DST: variants seen among roughly 807,000 people sequenced by gnomAD.
The protein encoded by DST is bullous pemphigoid antigen.
DST carries 253 observed loss-of-function variants against 875.2 expected under a neutral mutation model. The observed-to-expected ratio is 0.29, with a 90% confidence interval of 0.26 to 0.32. DST has a LOEUF of 0.32. Ranked by LOEUF, DST falls within the 10% of genes least tolerant of loss-of-function variation. DST has a pLI of 1.00. For synonymous variants in DST, 3,124 were observed against 3,197.1 expected (o/e 0.98, Z 0.77); for missense variants, 8,287 against 9,111.6 (o/e 0.91, Z 3.68).
rs1178628921 is a variant in DST, at chr6:56,608,757, A to T, written c.5871T>A (p.Gly1957=). ...WLLPVRPQEG[G]RITLKCGRNI... ...TTCTTCCACATTTTAATGTTATTCT[A>T]CCTCCTTCTTGTGGTCTCACAGGTA... The change falls in exon 40 of 104, where the codon GGT becomes GGA. Residue 1957 remains glycine (G), a synonymous_variant. Transcript: ENST00000680361. 1.2e-5 allele frequency: 19 copies of T among 1,608,336 alleles called. No homozygotes were observed. The highest frequency in any genetic ancestry group is 1.6e-5 in the Non-Finnish European group (19 of 1,177,132).
In DST at chr6:56,618,945, G is replaced by A. The variant is rs762686142; in HGVS notation, c.4930-4461C>T. On this transcript the variant is annotated intron_variant, in intron 36 of 103. Transcript: ENST00000680361. ...TGTAGCTGAACTTTCTGCTCCCCGC[G>A]TCGCTTCTCTTCTTTGGAAGCATTC... 1.7e-5 allele frequency: 28 copies of A among 1,613,962 alleles called. No individual in the cohort carries two copies. The highest frequency in any genetic ancestry group is 2.2e-5 in the East Asian group (1 of 44,894).
intron 3 of DST, among the ~76,000 whole-genome samples, chr6:56,881,452 G>A (rs1396664905): frequency 2.0e-5 from 3 of 152,058 alleles, no homozygotes; most frequent in Non-Finnish European, 2.9e-5. Flanking sequence ...CGGCCTGGGT[G>A]ACAGAGTGAG....
intron 4 of DST, among the ~76,000 whole-genome samples, chr6:56,811,562 C>A (rs1402997240): frequency 6.6e-6 from 1 of 152,176 alleles, no homozygotes; most frequent in Non-Finnish European, 1.5e-5. Flanking sequence ...TGGATACTAT[C>A]TTTCATTTAA....
chr6:56,470,310 G>A, intron 95 of DST, 28 bp from the exon 96 acceptor site: 1 of 1,553,296 alleles, frequency 6.4e-7, no homozygotes, highest in East Asian at 2.3e-5. Context: ...ATGGTAAGTA[G>A]TGACTTGTTA....
chr6:56,589,722 A>C (rs1433345037), intron 49 of DST, among the ~76,000 whole-genome samples: 3 of 152,240 alleles, frequency 2.0e-5, no homozygotes, highest in Admixed American at 6.5e-5. Flanking sequence ...TTTATCCACT[A>C]ATTTCCCTGG....
chr6:56,893,605 A>ATTTTTTTTTATTTTTTT lies in DST; in HGVS notation c.417+6815_417+6816insAAAAAAATAAAAAAAAA. On this transcript the variant is annotated intron_variant, in intron 3 of 103. Transcript: ENST00000680361. The stretch of plus-strand genomic sequence containing the variant: ...TTTTTTTTATTTTTTTTTATTTTTT[A>ATTTTTTTTTATTTTTTT]TTTTTTATTTTTATTGATCATTCTT... 3.2e-5 allele frequency among the ~76,000 whole-genome samples: 2 copies of ATTTTTTTTTATTTTTTT among 63,404 alleles called. 1 individual carries two copies. The highest frequency in any genetic ancestry group is 5.5e-5 in the Non-Finnish European group (2 of 36,072). 41.6% of individuals were successfully genotyped at this position (63,404 alleles called of 152,430 possible).
chr6:56,611,017 A>T (rs551977662), intron 38 of DST, among the ~76,000 whole-genome samples: 1 of 152,338 alleles, frequency 6.6e-6, no homozygotes, highest in South Asian at 2.1e-4. Flanking sequence ...CTAGGAGGAC[A>T]TCCAAAAAGA....
intron 5 of DST, among the ~76,000 whole-genome samples, chr6:56,716,872 G>A (rs1269760886): frequency 6.6e-6 from 1 of 152,120 alleles, no homozygotes; most frequent in Admixed American, 6.5e-5. Flanking sequence ...ATCATCAGGT[G>A]TTCGATTCTT....
intron 69 of DST, among the ~76,000 whole-genome samples, chr6:56,519,264 AC>A (rs1474964879): frequency 6.6e-6 from 1 of 152,186 alleles, no homozygotes; most frequent in Non-Finnish European, 1.5e-5. Context: ...GTTTAGCAAA[AC>A]AGACAACTTT....
intron 91 of DST, among the ~76,000 whole-genome samples, chr6:56,477,101 T>C (rs188598828): frequency 1.2e-4 from 19 of 152,368 alleles, no homozygotes; most frequent in Admixed American, 1.0e-3. Flanking sequence ...CAAAATGTTA[T>C]ACAGTGTACT....
chr6:56,561,683 T>A (rs371130297), intron 56 of DST, 134 bp from the exon 57 acceptor site: 3 of 790,144 alleles, frequency 3.8e-6, no homozygotes, highest in Non-Finnish European at 1.9e-6. Context: ...GATAAAGTCA[T>A]AAGCTTTTCA....
Position 56,600,166 on chromosome 6 carries a change from A to C in DST, c.11597T>G (p.Leu3866Arg), listed in dbSNP as rs749816429. 8.7e-6 allele frequency: 14 copies of C among 1,613,002 alleles called. No individual in the cohort carries two copies. Among genetic ancestry groups the C allele is most frequent in the East Asian group, 4.5e-5 (2 of 44,872 alleles). Residue 3866 changes from leucine to arginine, a missense_variant, in exon 45 of 104, where the codon CTT becomes CGT. Transcript: ENST00000680361. Reference protein sequence around the residue: ...YKEKLQGICDLLTQTENRLIG... With the variant: ...YKEKLQGICDRLTQTENRLIG... Reference sequence around the variant, plus strand: ...TAGGCGGTTTTCAGTTTGGGTAAGAAGATCACATATCCCTTGGAGTTTCTC... The same window carrying C: ...TAGGCGGTTTTCAGTTTGGGTAAGACGATCACATATCCCTTGGAGTTTCTC...
In DST at chr6:56,758,589, C is replaced by G. The variant is rs115784357; in HGVS notation, c.626-23300G>C. Among the ~76,000 whole-genome samples the G allele has an allele frequency of 9.5e-3, 1,450 of 152,300 alleles. 24 individuals are homozygous for G. The highest frequency in any genetic ancestry group is 0.033 in the African/African-American group (1,374 of 41,574). Reference sequence around the variant, plus strand: ...GATGTCTGGGCCTCAGCTAGTAACACTCAACAGCTGGGTGGCTTGACCACT... The same window carrying G: ...GATGTCTGGGCCTCAGCTAGTAACAGTCAACAGCTGGGTGGCTTGACCACT... On this transcript the variant is annotated intron_variant, in intron 4 of 103. Coordinates refer to ENST00000680361, the MANE Select transcript of DST (RefSeq NM_001374736.1).
At chr6:56,529,803 A>G in intron 65 of DST, 29 bp from the exon 66 acceptor site, 2 of 1,481,428 alleles carry the variant, frequency 1.4e-6, no homozygotes, top group South Asian at 2.8e-5. Flanking sequence ...AATAAAGAAG[A>G]AAAACAAAAA....
At position 56,509,803 on chromosome 6, in the gene DST, G is replaced by A. The variant is rs750689453; in HGVS notation, c.18851C>T (p.Ser6284Phe). The change falls in exon 74 of 104, where the codon TCT becomes TTT. Residue 6284 changes from serine (S) to phenylalanine (F), a missense_variant. By Grantham distance (155) the Ser-to-Phe change is radical (BLOSUM62 -2). This residue lies in a region of DST where 1,292 missense variants were observed against 1,552.7 expected (regional missense o/e 0.83). Transcript: ENST00000680361. ...GATCTTCTCAACCTCTGCAGAGATAGAGGGTGGCTGCCTCAGACGTTCCAC... is the reference window on the plus strand; with the variant it reads ...GATCTTCTCAACCTCTGCAGAGATAAAGGGTGGCTGCCTCAGACGTTCCAC... Reference protein sequence around the residue: ...RIVERLRQPPSISAEVEKIKE... With the variant: ...RIVERLRQPPFISAEVEKIKE... 3.7e-6 allele frequency: 6 copies of A among 1,613,572 alleles called. No homozygotes were observed. In the South Asian group the frequency reaches 6.6e-5, roughly 18 times the overall value.
chr6:56,656,150 A>C (rs1007633307), intron 10 of DST, among the ~76,000 whole-genome samples: 1 of 152,246 alleles, frequency 6.6e-6, no homozygotes, highest in South Asian at 2.1e-4. Flanking sequence ...GCCAAGTTTT[A>C]GAATCCTTAT....
chr6:56,706,563 T>G (rs1459389701), intron 5 of DST, among the ~76,000 whole-genome samples: 1 of 152,220 alleles, frequency 6.6e-6, no homozygotes, highest in Admixed American at 6.5e-5. Context: ...TGCAATTTCC[T>G]ACTCATGGAC....
At chr6:56,758,148 C>A (rs1033434811) in intron 4 of DST, among the ~76,000 whole-genome samples, 1 of 152,184 alleles carries the variant, frequency 6.6e-6, no homozygotes, top group African/African-American at 2.4e-5. Context: ...GAAACAAATT[C>A]TCTAATTATT....
intron 69 of DST, among the ~76,000 whole-genome samples, chr6:56,525,067 A>G (rs939897148): frequency 1.3e-5 from 2 of 152,070 alleles, no homozygotes; most frequent in Non-Finnish European, 2.9e-5. Flanking sequence ...TTACTAACCA[A>G]CGAAAACTCA....
Sources: gnomAD v4.1 joint callset for allele counts (sites outside exome capture counted in the v4.1 genomes callset) on GRCh38, gnomAD v4.1.1 for gene constraint, gnomAD v4.1.1 regional missense constraint, MANE v1.5 for transcripts, NCBI Gene and HGNC (gene_info 2026-07-23, HGNC 2026-07-21) for gene names.